Variants in VANGL2 observed in about 807,000 individuals in gnomAD.
VANGL2 encodes vang-like protein 2.
VANGL2 carries 14 observed loss-of-function variants against 50.2 expected under a neutral mutation model. That is an observed-to-expected ratio of 0.28 (90% CI 0.18 to 0.44). The LOEUF (loss-of-function observed/expected upper bound fraction) is 0.44, where lower values mean the gene tolerates loss of function less well. VANGL2 is among the 20% of genes least tolerant of loss of function. VANGL2 has a pLI of 1.00. For synonymous variants in VANGL2, 295 were observed against 297.2 expected, an observed-to-expected ratio of 0.99 and a Z score of 0.08; for missense variants, 533 against 701.5, an observed-to-expected ratio of 0.76 and a Z score of 2.71.
rs1247698609 is a variant in VANGL2, at chr1:160,419,307, G to C, written c.498G>C (p.Leu166=). ...TCCTGCTACTGGGCAGCTGGGCTCTGTTCTTCCGCCGGCCCAAGGCCTCGC... is the reference window on the plus strand; with the variant it reads ...TCCTGCTACTGGGCAGCTGGGCTCTCTTCTTCCGCCGGCCCAAGGCCTCGC... ...LLILLLGSWA[L]FFRRPKASLP... The change falls in exon 4 of 8, where the codon CTG becomes CTC. Residue 166 remains leucine (L), a synonymous_variant. Transcript: ENST00000368061. This position sits in a 1 kb window ranked among gnomAD's most constrained non-coding sequence, Gnocchi z 5.8. The C allele has an allele frequency of 4.4e-6, 7 of 1,608,636 alleles. No individual in the cohort carries two copies. The highest frequency in any genetic ancestry group is 5.9e-6 in the Non-Finnish European group (7 of 1,180,016).
Position 160,425,624 on chromosome 1 carries a change from A to G in VANGL2, c.*246A>G, listed in dbSNP as rs1651426282. On this transcript the variant is annotated 3_prime_UTR_variant, in exon 8 of 8. Coordinates refer to ENST00000368061, the MANE Select transcript of VANGL2 (RefSeq NM_020335.3). ...CTCCCACCTCACCAACAACTTTTGT[A>G]TTACTCTAGGCCCTGCAGGAATCAG... is the stretch of plus-strand genomic sequence containing the variant. 3.8e-6 allele frequency: 2 copies of G among 528,938 alleles called. No homozygotes were observed. The highest frequency in any genetic ancestry group is 3.4e-6 in the Non-Finnish European group (1 of 296,764). 32.8% of individuals were successfully genotyped at this position (528,938 alleles called of 1,614,324 possible).
rs753974787 is a variant in VANGL2 at position 160,419,111 on chromosome 1, T to A, written c.302T>A (p.Leu101Gln). 7 of 1,614,106 alleles carry A rather than the reference T, an allele frequency of 4.3e-6. No individual in the cohort carries two copies. In the South Asian group the frequency reaches 6.6e-5, roughly 15 times the overall value. Residue 101 changes from leucine to glutamine, a missense_variant, in exon 4 of 8, where the codon CTG becomes CAG. By Grantham distance (113) the Leu-to-Gln change is moderately radical. Transcript: ENST00000368061. The surrounding 1 kb of genome is among the most constrained non-coding windows in gnomAD (Gnocchi z 5.8). The part of the protein sequence containing the change: ...IAKDMEDSVP[L>Q]DCSRHLGVAA... ...AAGGACATGGAGGACAGTGTCCCTC[T>A]GGACTGCTCCCGTCACCTGGGTGTG...
At position 160,425,520 on chromosome 1, in the gene VANGL2, T is replaced by C. The variant is rs1651421175; in HGVS notation, c.*142T>C. The C allele has an allele frequency of 2.6e-6, 2 of 778,046 alleles. No homozygotes were observed. The highest frequency in any genetic ancestry group is 4.0e-6 in the Non-Finnish European group (2 of 500,948). The allele number at this position is 778,046 out of a possible 1,614,324, so 48.2% of individuals were successfully genotyped here. On this transcript the variant is annotated 3_prime_UTR_variant, in exon 8 of 8. Coordinates refer to ENST00000368061, the MANE Select transcript of VANGL2 (RefSeq NM_020335.3). ...TTACTTGAATTAACGCACCCCCACC[T>C]TCTCTCCTCGCTTCTTCCTTATTTT...
chr1:160,406,765 G>A (rs544676904), intron 1 of VANGL2, among the ~76,000 whole-genome samples: 3 of 151,292 alleles, frequency 2.0e-5, no homozygotes, highest in Admixed American at 6.6e-5. Context: ...CGTTTCGCTC[G>A]TTGACTAGGC....
chr1:160,424,905 C>T (rs1651398432), intron 7 of VANGL2, among the ~76,000 whole-genome samples: 1 of 152,116 alleles, frequency 6.6e-6, no homozygotes, highest in Admixed American at 6.5e-5. Flanking sequence ...TGAGCCACAT[C>T]CCCCTGTGCA....
rs1338060468 is a variant in VANGL2 at position 160,421,058 on chromosome 1, G to T, written c.944G>T (p.Ser315Ile). 1.2e-6 allele frequency: 2 copies of T among 1,614,066 alleles called. No individual in the cohort carries two copies. The highest frequency in any genetic ancestry group is 2.7e-5 in the African/African-American group (2 of 74,934). Residue 315 changes from serine to isoleucine, a missense_variant, in exon 6 of 8, where the codon AGC (serine) becomes ATC (isoleucine). Transcript: ENST00000368061. ...CTATCCTGTTCCTGTGCAGAAAACA[G>T]CACCAACAACTCCACTGGCCAGTCT... ...FKVYSLGEEN[S>I]TNNSTGQSRA...
In VANGL2 at chr1:160,425,648, A is replaced by G. The variant is rs1651426673; in HGVS notation, c.*270A>G. On this transcript the variant is annotated 3_prime_UTR_variant, in exon 8 of 8. Coordinates refer to ENST00000368061, the MANE Select transcript of VANGL2 (RefSeq NM_020335.3). ...TATTACTCTAGGCCCTGCAGGAATC[A>G]GTGCCTCTCTCCCTCTTCTTTCCCT... The G allele has an allele frequency of 1.9e-5, 8 of 423,666 alleles. No homozygotes were observed. The Admixed American group carries it at 3.1e-4, about 17-fold the overall frequency. The allele number at this position is 423,666 out of a possible 1,614,324, so 26.2% of individuals were successfully genotyped here. A position where few individuals can be genotyped will look rare whatever the true frequency, so the allele number is the denominator to read the frequency against.
intron 6 of VANGL2, 135 bp from the exon 7 acceptor site, chr1:160,423,917 T>C: frequency 1.0e-6 from 1 of 959,430 alleles, no homozygotes. Flanking sequence ...CACTATTGCC[T>C]CTGGCTTTGT....
chr1:160,415,578 G>C (rs972996896), intron 1 of VANGL2, 70 bp from the exon 2 acceptor site: 4 of 531,676 alleles, frequency 7.5e-6, no homozygotes, highest in Non-Finnish European at 1.4e-5. Context: ...GTTGTGTGCA[G>C]ATGGTCTTCC....
rs1035237591 is a variant in VANGL2, at chr1:160,419,734, G to T, written c.800+125G>T. 10 of 1,398,992 alleles carry T rather than the reference G, an allele frequency of 7.1e-6. No individual in the cohort carries two copies. The Admixed American group carries it at 7.7e-5, about 11-fold the overall frequency. 86.7% of individuals were successfully genotyped at this position (1,398,992 alleles called of 1,614,324 possible). A position where few individuals can be genotyped will look rare whatever the true frequency, so the allele number is the denominator to read the frequency against. On this transcript the variant is annotated intron_variant, in intron 4 of 7. Transcript: ENST00000368061. The surrounding 1 kb of genome is among the most constrained non-coding windows in gnomAD (Gnocchi z 5.8). The stretch of plus-strand genomic sequence containing the variant: ...TGGGCTTGGAGGGTTGTGTGGGAGG[G>T]AGTTGAGTACTTTGCACCAAGTAGG...
chr1:160,423,021 T>G (rs1210706734), intron 6 of VANGL2, among the ~76,000 whole-genome samples: 1 of 152,012 alleles, frequency 6.6e-6, no homozygotes, highest in African/African-American at 2.4e-5. Flanking sequence ...TTTTCCTGCC[T>G]CAGCCTCCCC....
In VANGL2 at chr1:160,412,093, A is replaced by G. The variant is rs953250611; in HGVS notation, c.-190-3555A>G. On this transcript the variant is annotated intron_variant, in intron 1 of 7. Transcript: ENST00000368061. ...TACGGCTACCCCATGAAAAGGCATC[A>G]TTGTCTTCACTATTTTACTAATGAG... is the stretch of plus-strand genomic sequence containing the variant. Among the ~76,000 whole-genome samples, 4 of 152,188 alleles carry G rather than the reference A, an allele frequency of 2.6e-5. No homozygotes were observed. In the East Asian group the frequency reaches 7.7e-4, roughly 29 times the overall value.
At chr1:160,420,846 C>T (rs1238189555) in intron 5 of VANGL2, among the ~76,000 whole-genome samples, 1 of 152,240 alleles carries the variant, frequency 6.6e-6, no homozygotes, top group Non-Finnish European at 1.5e-5. Flanking sequence ...GGAACAACTG[C>T]AGGACTCTTG....
chr1:160,412,315 C>G (rs1361948405), intron 1 of VANGL2, among the ~76,000 whole-genome samples: 1 of 151,954 alleles, frequency 6.6e-6, no homozygotes, highest in African/African-American at 2.4e-5. Context: ...TGTCTAGACT[C>G]TAGTCCGTGG....
intron 6 of VANGL2, among the ~76,000 whole-genome samples, chr1:160,422,527 A>G (rs1247314467): frequency 1.3e-5 from 2 of 151,206 alleles, no homozygotes; most frequent in Non-Finnish European, 2.9e-5. Flanking sequence ...ATCCACACCT[A>G]TATACCCAGA....
rs186267999 is a variant in VANGL2, at chr1:160,405,541, G to T, written c.-191+4672G>T. On this transcript the variant is annotated intron_variant, in intron 1 of 7. Coordinates refer to ENST00000368061, the MANE Select transcript of VANGL2 (RefSeq NM_020335.3). ...GCCCCTGGCAAGATTGGTAATTATA[G>T]ACATAACAGCTGGGAACTGGTTTGA... Among the ~76,000 whole-genome samples the T allele has an allele frequency of 6.3e-3, 957 of 152,074 alleles. 13 individuals are homozygous for T. The highest frequency in any genetic ancestry group is 0.022 in the African/African-American group (922 of 41,480).
At position 160,419,508 on chromosome 1, in the gene VANGL2, C is replaced by T. The variant is rs199928840; in HGVS notation, c.699C>T (p.Ala233=). 44 of 1,602,880 alleles carry T rather than the reference C, an allele frequency of 2.7e-5. No homozygotes were observed. The highest frequency in any genetic ancestry group is 1.1e-4 in the East Asian group (5 of 44,886). Residue 233 remains alanine (A), a synonymous_variant, in exon 4 of 8, where the codon GCC becomes GCT. Coordinates refer to ENST00000368061, the MANE Select transcript of VANGL2 (RefSeq NM_020335.3). The surrounding 1 kb of genome is among the most constrained non-coding windows in gnomAD (Gnocchi z 5.8). Reference sequence around the variant, plus strand: ...CCCTTCTTTTCGTGCACTACCTGGCCGTGGTCCTGCTGGAGCTGCGCCAGC... The same window carrying T: ...CCCTTCTTTTCGTGCACTACCTGGCTGTGGTCCTGCTGGAGCTGCGCCAGC... ...VDALLFVHYL[A]VVLLELRQLQ... is the part of the protein sequence containing the mutation.
In VANGL2 at chr1:160,415,841, G is replaced by T; in HGVS notation, c.4G>T (p.Asp2Tyr). MDTESQYSGYSY... is the reference protein window; with the variant it reads MYTESQYSGYSY... ...CAAGGCGCGGCGTTCAGACGCCATG[G>T]ACACCGAGTCCCAGTACTCGGGCTA... The change falls in exon 2 of 8, where the codon GAC becomes TAC. Residue 2 changes from aspartate to tyrosine, a missense_variant. Coordinates refer to ENST00000368061, the MANE Select transcript of VANGL2 (RefSeq NM_020335.3). The T allele has an allele frequency of 6.2e-7, 1 of 1,613,418 alleles. No individual in the cohort carries two copies. The highest frequency in any genetic ancestry group is 1.1e-5 in the South Asian group (1 of 90,836).
intron 6 of VANGL2, among the ~76,000 whole-genome samples, chr1:160,422,763 T>C (rs1381996045): frequency 2.6e-5 from 4 of 152,222 alleles, no homozygotes; most frequent in Non-Finnish European, 5.9e-5. Context: ...TTTCCTCCAG[T>C]TCCCACTTTC....
Sources: gnomAD v4.1 joint callset for allele counts (sites outside exome capture counted in the v4.1 genomes callset) on GRCh38, gnomAD v4.1.1 for gene constraint, Gnocchi (gnomAD v3.1) non-coding constraint, MANE v1.5 for transcripts, NCBI Gene and HGNC (gene_info 2026-07-23, HGNC 2026-07-21) for gene names.